CELA3A: variants seen among roughly 807,000 people sequenced by gnomAD.
CELA3A encodes the protein chymotrypsin like elastase 3A, also known as chymotrypsin-like elastase family member 3A.
A neutral mutation model predicts 38.6 loss-of-function variants in CELA3A; 35 were observed. The observed-to-expected ratio is 0.91, with a 90% CI of 0.69 to 1.20. The LOEUF (loss-of-function observed/expected upper bound fraction) is 1.20. CELA3A is among the 50% of genes most tolerant of loss of function. The probability of loss-of-function intolerance (pLI) is 0.00; values close to 1 mark genes in which losing one functional copy is unlikely to be tolerated. For synonymous variants in CELA3A, 143 were observed against 136.7 expected, an observed-to-expected ratio of 1.05 and a Z score of -0.32; for missense variants, 343 against 354.2, an observed-to-expected ratio of 0.97 and a Z score of 0.25.
At chr1:22,003,961 C>G (rs1056669784) in intron 2 of CELA3A, among the ~76,000 whole-genome samples, 10 of 151,128 alleles carry the variant, frequency 6.6e-5, no homozygotes, top group Middle Eastern at 3.4e-3. Flanking sequence ...GCCTCGGCCT[C>G]TCAAAGTGCT....
chr1:22,005,507 G>C lies in CELA3A; in HGVS notation c.190G>C (p.Ala64Pro). The change falls in exon 3 of 8, where the codon GCC becomes CCC. Residue 64 changes from alanine (A) to proline (P), a missense_variant. By Grantham distance (27) the Ala-to-Pro change is conservative (BLOSUM62 -1). Transcript: ENST00000290122. ...FYHTCGGSLI[A>P]PDWVVTAGHC... Reference sequence around the variant, plus strand: ...CCACACGTGTGGCGGTAGCCTCATCGCCCCCGATTGGGTTGTGACTGCCGG... The same window carrying C: ...CCACACGTGTGGCGGTAGCCTCATCCCCCCCGATTGGGTTGTGACTGCCGG... The C allele has an allele frequency of 6.2e-7, 1 of 1,613,042 alleles. No individual in the cohort carries two copies. The highest frequency in any genetic ancestry group is 8.5e-7 in the Non-Finnish European group (1 of 1,179,620).
chr1:22,006,513 C>T lies in CELA3A; in HGVS notation c.363-365C>T, dbSNP rs529817386. Among the ~76,000 whole-genome samples, 5 of 150,940 alleles carry T rather than the reference C, an allele frequency of 3.3e-5. 1 individual carries two copies. Among genetic ancestry groups the T allele is most frequent in the African/African-American group, 7.4e-5 (3 of 40,640 alleles). On this transcript the variant is annotated intron_variant, in intron 4 of 7. Coordinates refer to ENST00000290122, the MANE Select transcript of CELA3A (RefSeq NM_005747.5). ...CTGCACTCCAGCCTGGGCAACAGAG[C>T]GAGACTCTGACTCAAAAATAAATAA...
chr1:22,008,206 A>T (rs1252241303), intron 6 of CELA3A, among the ~76,000 whole-genome samples: 6 of 130,818 alleles, frequency 4.6e-5, no homozygotes, highest in Non-Finnish European at 9.5e-5. Context: ...GCTGGAGTGC[A>T]GTAATGCCAT....
chr1:22,007,562 C>T, intron 6 of CELA3A, 47 bp downstream of exon 6: 3 of 1,573,670 alleles, frequency 1.9e-6, no homozygotes, highest in African/African-American at 1.4e-5. Context: ...TGTGCAGGAC[C>T]TTGGAATGGG....
chr1:22,005,880 C>G, intron 4 of CELA3A, 84 bp downstream of exon 4: 1 of 1,600,440 alleles, frequency 6.2e-7, no homozygotes, highest in Non-Finnish European at 8.5e-7. Context: ...TAGGCTCCAA[C>G]TCTGAGTAGG....
intron 6 of CELA3A, among the ~76,000 whole-genome samples, chr1:22,008,453 A>G (rs982078806): frequency 6.8e-6 from 1 of 147,002 alleles, no homozygotes; most frequent in Non-Finnish European, 1.5e-5. Context: ...CCTGGCCAAG[A>G]CCTTGTCTAA....
chr1:22,012,103 A>G lies in CELA3A; in HGVS notation c.796-347A>G, dbSNP rs1220653804. Among the ~76,000 whole-genome samples, 27 of 127,570 alleles carry G rather than the reference A, an allele frequency of 2.1e-4. 5 individuals carry two copies. The highest frequency in any genetic ancestry group is 4.2e-4 in the Non-Finnish European group (26 of 62,022). The allele number at this position is 127,570 out of a possible 152,430, so 83.7% of individuals were successfully genotyped here. ...ATTTTGTTTATATATATACACATAC[A>G]TACGTATATATATATACACAAACAC... On this transcript the variant is annotated intron_variant, in intron 7 of 7. Transcript: ENST00000290122.
intron 2 of CELA3A, among the ~76,000 whole-genome samples, chr1:22,003,796 C>T (rs1644932373): frequency 6.6e-6 from 1 of 151,050 alleles, no homozygotes; most frequent in Non-Finnish European, 1.5e-5. Flanking sequence ...AACTCTGCCA[C>T]CCGGGTTCAA....
In CELA3A at chr1:22,009,782, T is replaced by C; in HGVS notation, c.720T>C (p.Ser240=). 6 of 1,612,110 alleles carry C rather than the reference T, an allele frequency of 3.7e-6. No individual in the cohort carries two copies. The highest frequency in any genetic ancestry group is 1.1e-5 in the South Asian group (1 of 91,008). Residue 240 remains serine, a synonymous_variant, in exon 7 of 8, where the codon TCT becomes TCC. Coordinates refer to ENST00000290122, the MANE Select transcript of CELA3A (RefSeq NM_005747.5). ...WQVHGVTSFV[S]AFGCNFIWKP... ...TCCACGGTGTGACCAGCTTTGTTTC[T>C]GCCTTTGGCTGCAACTTCATCTGGA... is the stretch of plus-strand genomic sequence containing the variant.
chr1:22,007,492 G>A lies in CELA3A; in HGVS notation c.619G>A (p.Gly207Arg). 3.1e-6 allele frequency: 5 copies of A among 1,611,560 alleles called. No individual in the cohort carries two copies. Among genetic ancestry groups the A allele is most frequent in the Non-Finnish European group, 4.2e-6 (5 of 1,178,922 alleles). ...TVKKTMVCAG[G>R]YIRSGCNGDS... Reference sequence around the variant, plus strand: ...GAAGAAAACCATGGTGTGTGCTGGAGGGTACATCCGCTCCGGCTGCAACGT... The same window carrying A: ...GAAGAAAACCATGGTGTGTGCTGGAAGGTACATCCGCTCCGGCTGCAACGT... The change falls in exon 6 of 8, where the codon GGG (glycine) becomes AGG (arginine). Residue 207 changes from glycine to arginine, a missense_variant. Coordinates refer to ENST00000290122, the MANE Select transcript of CELA3A (RefSeq NM_005747.5).
At chr1:22,008,930 A>C (rs1353656940) in intron 6 of CELA3A, among the ~76,000 whole-genome samples, 14 of 151,898 alleles carry the variant, frequency 9.2e-5, no homozygotes, top group Non-Finnish European at 2.1e-4. Flanking sequence ...TCTTGGACAG[A>C]TACTACTATT....
At chr1:22,008,047 G>C (rs115520220) in intron 6 of CELA3A, among the ~76,000 whole-genome samples, 6,629 of 150,786 alleles carry the variant, frequency 0.044, 532 homozygotes, top group African/African-American at 0.12. Context: ...CCAACTACTT[G>C]ATAGGCTGAG....
rs1042283814 is a variant in CELA3A at position 22,007,390 on chromosome 1, G to C, written c.517G>C (p.Asp173His). The C allele has an allele frequency of 3.1e-6, 5 of 1,611,746 alleles. 1 individual carries two copies. In the African/African-American group the frequency reaches 6.7e-5, roughly 22 times the overall value. ...GRLYTNGPLP[D>H]KLQQARLPVV... Reference sequence around the variant, plus strand: ...CCTTGCAGCCAATGGGCCACTCCCAGACAAGCTGCAGCAGGCCCGGCTGCC... The same window carrying C: ...CCTTGCAGCCAATGGGCCACTCCCACACAAGCTGCAGCAGGCCCGGCTGCC... The change falls in exon 6 of 8, where the codon GAC (aspartate) becomes CAC (histidine). Residue 173 changes from aspartate (D) to histidine (H), a missense_variant. Transcript: ENST00000290122.
intron 1 of CELA3A, among the ~76,000 whole-genome samples, 187 bp downstream of exon 1, chr1:22,001,904 C>T (rs577966680): frequency 6.6e-6 from 1 of 151,204 alleles, no homozygotes; most frequent in South Asian, 2.1e-4. Context: ...GGAGGGGAAG[C>T]TGTGGATGGT....
At chr1:22,001,918 A>G (rs1644920882) in intron 1 of CELA3A, among the ~76,000 whole-genome samples, 1 of 151,084 alleles carries the variant, frequency 6.6e-6, no homozygotes, top group South Asian at 2.1e-4. Context: ...GGATGGTGAA[A>G]GACCCCCAAA....
intron 2 of CELA3A, among the ~76,000 whole-genome samples, chr1:22,004,656 T>G (rs1428268411): frequency 6.6e-6 from 1 of 151,950 alleles, no homozygotes; most frequent in Admixed American, 6.5e-5. Flanking sequence ...AGAAGCCTGA[T>G]GTGCCCCACT....
chr1:22,007,300 G>C (rs1252921806), intron 5 of CELA3A, 73 bp from the exon 6 acceptor site: 2 of 1,532,382 alleles, frequency 1.3e-6, no homozygotes, highest in Non-Finnish European at 1.8e-6. Flanking sequence ...TGTGGGCCTT[G>C]AATGCCCCCT....
rs745435315 is a variant in CELA3A at position 22,005,495 on chromosome 1, G to A, written c.178G>A (p.Gly60Ser). The stretch of plus-strand genomic sequence containing the variant: ...TGGAAGCTTCTACCACACGTGTGGC[G>A]GTAGCCTCATCGCCCCCGATTGGGT... ...KSGSFYHTCG[G>S]SLIAPDWVVT... Residue 60 changes from glycine to serine, a missense_variant, in exon 3 of 8, where the codon GGT becomes AGT. Coordinates refer to ENST00000290122, the MANE Select transcript of CELA3A (RefSeq NM_005747.5). 16 of 1,613,074 alleles carry A rather than the reference G, an allele frequency of 9.9e-6. No individual in the cohort carries two copies. The highest frequency in any genetic ancestry group is 2.2e-5 in the East Asian group (1 of 44,740).
intron 6 of CELA3A, among the ~76,000 whole-genome samples, chr1:22,009,103 C>T (rs1407031977): frequency 1.4e-5 from 2 of 148,106 alleles, no homozygotes; most frequent in East Asian, 2.0e-4. Flanking sequence ...CAGTGACTCA[C>T]GCCTGTAATC....
Sources: gnomAD v4.1 joint callset for allele counts (sites outside exome capture counted in the v4.1 genomes callset) on GRCh38, gnomAD v4.1.1 for gene constraint, MANE v1.5 for transcripts, NCBI Gene and HGNC (gene_info 2026-07-23, HGNC 2026-07-21) for gene names.